The following NCOA1 variants were observed in gnomAD, a reference collection of about 807,000 sequenced individuals.
NCOA1 encodes Hin-2 protein.
A neutral mutation model predicts 150.9 loss-of-function variants in NCOA1; 35 were observed. That is an observed-to-expected ratio of 0.23 (90% CI 0.18 to 0.31). The LOEUF is 0.31. NCOA1 is among the 10% of genes least tolerant of loss of function. NCOA1 has a pLI of 1.00. For missense variants in NCOA1, 1,491 were observed against 1,749.3 expected (o/e 0.85, Z 2.63); for synonymous variants, 590 against 630.0 (o/e 0.94, Z 0.95).
chr2:24,702,263 T>C (rs1673199554), intron 11 of NCOA1, among the ~76,000 whole-genome samples: 1 of 152,226 alleles, frequency 6.6e-6, no homozygotes, highest in Non-Finnish European at 1.5e-5. Context: ...GTTTACTCAT[T>C]GGTGATTGAG....
chr2:24,500,312 T>C (rs1454218980), intron 1 of NCOA1, among the ~76,000 whole-genome samples: 2 of 152,124 alleles, frequency 1.3e-5, no homozygotes, highest in African/African-American at 2.4e-5. Context: ...TTCTCCATGT[T>C]GGTCAAGCTG....
chr2:24,578,648 A>G (rs1353539398), intron 2 of NCOA1, among the ~76,000 whole-genome samples: 1 of 152,198 alleles, frequency 6.6e-6, no homozygotes, highest in Non-Finnish European at 1.5e-5. Flanking sequence ...AAAGAAGTCC[A>G]TAGGGAATCA....
intron 3 of NCOA1, among the ~76,000 whole-genome samples, chr2:24,624,657 G>A (rs749942060): frequency 2.0e-5 from 3 of 152,118 alleles, no homozygotes; most frequent in Non-Finnish European, 2.9e-5. Context: ...TTGATGAATG[G>A]CAGATACAAT....
chr2:24,508,640 T>C lies in NCOA1; in HGVS notation c.-396+17038T>C, dbSNP rs183177350. On this transcript the variant is annotated intron_variant, in intron 1 of 22. Coordinates refer to ENST00000348332, the MANE Select transcript of NCOA1 (RefSeq NM_003743.5). ...TTCCCCCCATCCCCTTTTTTTTCTT[T>C]GTAATTTATCTTTTGAAGAACCTGT... Among the ~76,000 whole-genome samples, 129 of 152,256 alleles carry C rather than the reference T, an allele frequency of 8.5e-4. 1 individual carries two copies. In the East Asian group the frequency reaches 0.021, roughly 25 times the overall value.
At chr2:24,679,117 G>A (rs549832339) in intron 7 of NCOA1, among the ~76,000 whole-genome samples, 7 of 152,306 alleles carry the variant, frequency 4.6e-5, no homozygotes, top group African/African-American at 7.2e-5. Context: ...GAACCCTTCC[G>A]TGTGACACAC....
intron 19 of NCOA1, among the ~76,000 whole-genome samples, chr2:24,745,833 T>A (rs1415808686): frequency 6.6e-6 from 1 of 152,226 alleles, no homozygotes; most frequent in Non-Finnish European, 1.5e-5. Context: ...AAACTCTGAG[T>A]TCCGAGAAAC....
At chr2:24,709,319 C>CATTATCTGG (rs1171243961) in intron 13 of NCOA1, among the ~76,000 whole-genome samples, 3 of 152,014 alleles carry the variant, frequency 2.0e-5, no homozygotes, top group Admixed American at 6.5e-5. Context: ...TGCCAGTTTT[C>CATTATCTGG]CTAGTGTATC....
At chr2:24,760,670 T>G (rs1664746042) in intron 21 of NCOA1, among the ~76,000 whole-genome samples, 1 of 152,194 alleles carries the variant, frequency 6.6e-6, no homozygotes, top group Admixed American at 6.5e-5. Flanking sequence ...GATTGATGTT[T>G]TTCCCCTCTG....
At chr2:24,720,207 C>T (rs1407809141) in intron 14 of NCOA1, among the ~76,000 whole-genome samples, 1 of 152,136 alleles carries the variant, frequency 6.6e-6, no homozygotes, top group Non-Finnish European at 1.5e-5. Flanking sequence ...AAACAGTTTT[C>T]AGAGTTGCAG....
At chr2:24,624,734 G>A (rs950388264) in intron 3 of NCOA1, among the ~76,000 whole-genome samples, 7 of 152,244 alleles carry the variant, frequency 4.6e-5, no homozygotes, top group East Asian at 3.9e-4. Context: ...ATTACTCTAC[G>A]TATCAATATA....
At chr2:24,732,810 CTA>C (rs1663085309) in intron 17 of NCOA1, among the ~76,000 whole-genome samples, 1 of 151,892 alleles carries the variant, frequency 6.6e-6, no homozygotes, top group Non-Finnish European at 1.5e-5. Context: ...GCAAACAAAA[CTA>C]TAACTAGCAG....
chr2:24,513,552 A>T (rs996579990), intron 1 of NCOA1, among the ~76,000 whole-genome samples: 20 of 152,154 alleles, frequency 1.3e-4, no homozygotes, highest in Admixed American at 4.6e-4. Flanking sequence ...GGTTGTGAAC[A>T]TATGTGCATT....
chr2:24,548,008 A>AAAAAAAAC (rs1553426819), intron 1 of NCOA1, among the ~76,000 whole-genome samples: 1 of 150,068 alleles, frequency 6.7e-6, no homozygotes, highest in Non-Finnish European at 1.5e-5. Flanking sequence ...AAAAAAAAAA[A>AAAAAAAAC]GGATGAGGGA....
At chr2:24,751,856 CACAAG>C (rs1664258089) in intron 19 of NCOA1, 121 bp from the exon 20 acceptor site, 2 of 942,004 alleles carry the variant, frequency 2.1e-6, no homozygotes, top group South Asian at 4.1e-5. Flanking sequence ...TATTGCCTGA[CACAAG>C]ACAAGGCAAA....
At chr2:24,725,866 A>G (rs1210875996) in intron 14 of NCOA1, among the ~76,000 whole-genome samples, 1 of 152,074 alleles carries the variant, frequency 6.6e-6, no homozygotes, top group Non-Finnish European at 1.5e-5. Flanking sequence ...CACATTGTCA[A>G]TATCTATGCC....
rs1315407812 is a variant in NCOA1 at position 24,769,407 on chromosome 2, A to G, written c.*1016A>G. 1 of 187,798 alleles carries G rather than the reference A, an allele frequency of 5.3e-6. No homozygotes were observed. The highest frequency in any genetic ancestry group is 1.1e-5 in the Non-Finnish European group (1 of 88,950). The allele number at this position is 187,798 out of a possible 1,614,324, so 11.6% of individuals were successfully genotyped here. On this transcript the variant is annotated 3_prime_UTR_variant, in exon 23 of 23. Coordinates refer to ENST00000348332, the MANE Select transcript of NCOA1 (RefSeq NM_003743.5). ...GAATTGCAGTTACATTTGGTTAGTA[A>G]TATTTCATTATTTTAATAACTGTGA...
At chr2:24,542,105 A>G (rs1221149899) in intron 1 of NCOA1, among the ~76,000 whole-genome samples, 1 of 152,340 alleles carries the variant, frequency 6.6e-6, no homozygotes, top group Non-Finnish European at 1.5e-5. Flanking sequence ...ATAGACATGG[A>G]GATCATGACC....
At chr2:24,768,096 G>T (rs1558352763) in intron 22 of NCOA1, 125 bp from the exon 23 acceptor site, 1 of 1,613,920 alleles carries the variant, frequency 6.2e-7, no homozygotes, top group Admixed American at 1.7e-5. Flanking sequence ...AGACAGAAGA[G>T]TTCTTCTCTG....
At chr2:24,745,193 G>A (rs1048524538) in intron 19 of NCOA1, among the ~76,000 whole-genome samples, 12 of 135,416 alleles carry the variant, frequency 8.9e-5, no homozygotes, top group East Asian at 2.1e-4. Context: ...ACAGAGTCTC[G>A]CTCTGTCGCC....
Sources: gnomAD v4.1 joint callset for allele counts (sites outside exome capture counted in the v4.1 genomes callset) on GRCh38, gnomAD v4.1.1 for gene constraint, MANE v1.5 for transcripts, NCBI Gene and HGNC (gene_info 2026-07-23, HGNC 2026-07-21) for gene names.